Variants in SLC37A1 observed in about 807,000 individuals in gnomAD.
SLC37A1 encodes glucose-6-phosphate exchanger SLC37A1.
In SLC37A1, 49 loss-of-function variants were observed where a neutral mutation model predicts 75.3. The ratio of observed to expected loss-of-function variants is 0.65; its 90% CI spans 0.52 to 0.83. SLC37A1 has a LOEUF of 0.83. Ranked by LOEUF, SLC37A1 falls within the 40% of genes least tolerant of loss-of-function variation. SLC37A1 has a pLI of 0.00. For synonymous variants in SLC37A1, 268 were observed against 292.1 expected (o/e 0.92, Z 0.84); for missense variants, 566 against 695.0 (o/e 0.81, Z 2.09).
intron 1 of SLC37A1, among the ~76,000 whole-genome samples, chr21:42,500,195 G>C (rs2054328578): frequency 6.6e-6 from 1 of 152,112 alleles, no homozygotes; most frequent in Non-Finnish European, 1.5e-5. Flanking sequence ...GAACTATGAG[G>C]TTGTTTATTA....
chr21:42,557,462 C>G (rs943066904), intron 10 of SLC37A1, among the ~76,000 whole-genome samples: 4 of 152,264 alleles, frequency 2.6e-5, no homozygotes, highest in Non-Finnish European at 5.9e-5. Context: ...TTTCACGTGC[C>G]GTGATGGGAT....
chr21:42,532,693 AC>A (rs1312601646), intron 3 of SLC37A1, among the ~76,000 whole-genome samples: 1 of 152,144 alleles, frequency 6.6e-6, no homozygotes, highest in East Asian at 1.9e-4. Flanking sequence ...CCAGCCCCTC[AC>A]GTCCACCTTG....
chr21:42,544,219 G>A (rs983654108), intron 8 of SLC37A1, among the ~76,000 whole-genome samples: 25 of 152,134 alleles, frequency 1.6e-4, no homozygotes, highest in Non-Finnish European at 2.8e-4. Context: ...ACAGGGGCTC[G>A]AATCCCGCAA....
At position 42,580,661 on chromosome 21, in the gene SLC37A1, G is replaced by A. The variant is rs376657403; in HGVS notation, c.*301G>A. ...CCCATGCAGCCACCCAAATGCACGC[G>A]TGACAACAAGGCCGGGAGGGTGGGG... is the stretch of plus-strand genomic sequence containing the variant. On this transcript the variant is annotated 3_prime_UTR_variant, in exon 20 of 20. Transcript: ENST00000352133. The A allele has an allele frequency of 3.6e-4, 100 of 280,822 alleles. No individual in the cohort carries two copies. The highest frequency in any genetic ancestry group is 2.3e-3 in the African/African-American group (95 of 42,002). 17.4% of individuals were successfully genotyped at this position (280,822 alleles called of 1,614,324 possible). A position where few individuals can be genotyped will look rare whatever the true frequency, so the allele number is the denominator to read the frequency against.
At chr21:42,566,925 T>A (rs2055993146) in intron 15 of SLC37A1, 60 bp from the exon 16 acceptor site, 8 of 1,551,226 alleles carry the variant, frequency 5.2e-6, no homozygotes, top group Non-Finnish European at 7.0e-6. Context: ...AGGCTGCTCC[T>A]ATGCATGCGG....
chr21:42,575,260 G>A, intron 18 of SLC37A1: 1 of 985,000 alleles, frequency 1.0e-6, no homozygotes, highest in Non-Finnish European at 1.2e-6. Context: ...AAATGGGCAT[G>A]ATAATGGCAC....
chr21:42,534,884 G>A (rs2055094257), intron 4 of SLC37A1, 54 bp downstream of exon 4: 1 of 1,585,458 alleles, frequency 6.3e-7, no homozygotes, highest in East Asian at 2.3e-5. Context: ...TTCCAGCCTT[G>A]CTATTAATCA....
rs2055761350 is a variant in SLC37A1, at chr21:42,559,073, G to T, written c.965G>T (p.Gly322Val). ...GGCACGGCCGCCATCAGCTTCACAGGGGCCTTGAAAATTCCAGTAAGTAAA... is the reference window on the plus strand; with the variant it reads ...GGCACGGCCGCCATCAGCTTCACAGTGGCCTTGAAAATTCCAGTAAGTAAA... The part of the protein sequence containing the change: ...GSGTAAISFT[G>V]ALKIPGVIEF... Residue 322 changes from glycine to valine, a missense_variant, in exon 11 of 20, where the codon GGG becomes GTG. By Grantham distance (109) the Gly-to-Val change is moderately radical. Coordinates refer to ENST00000352133, the MANE Select transcript of SLC37A1 (RefSeq NM_001320537.2). 2 of 1,610,878 alleles carry T rather than the reference G, an allele frequency of 1.2e-6. No individual in the cohort carries two copies. Among genetic ancestry groups the T allele is most frequent in the Non-Finnish European group, 1.7e-6 (2 of 1,178,780 alleles).
At chr21:42,546,881 C>T (rs1003126634) in intron 8 of SLC37A1, among the ~76,000 whole-genome samples, 2 of 152,232 alleles carry the variant, frequency 1.3e-5, no homozygotes, top group Non-Finnish European at 2.9e-5. Context: ...AAAAAGGTTA[C>T]TAGTAAAGCG....
Position 42,518,358 on chromosome 21 carries a change from C to G in SLC37A1, c.-97C>G. The G allele has an allele frequency of 6.7e-7, 1 of 1,490,130 alleles. No individual in the cohort carries two copies. The highest frequency in any genetic ancestry group is 9.3e-7 in the Non-Finnish European group (1 of 1,069,988). 92.3% of individuals were successfully genotyped at this position (1,490,130 alleles called of 1,614,324 possible). A position where few individuals can be genotyped will look rare whatever the true frequency, so the allele number is the denominator to read the frequency against. On this transcript the variant is annotated 5_prime_UTR_variant, in exon 2 of 20. Coordinates refer to ENST00000352133, the MANE Select transcript of SLC37A1 (RefSeq NM_001320537.2). Reference sequence around the variant, plus strand: ...CACGCTTTCCAGCCTGTGGGAGCGGCAGGGGCAACAGAGAGAGGATCTGGA... The same window carrying G: ...CACGCTTTCCAGCCTGTGGGAGCGGGAGGGGCAACAGAGAGAGGATCTGGA...
At chr21:42,556,293 G>T (rs2055689518) in intron 10 of SLC37A1, among the ~76,000 whole-genome samples, 1 of 152,180 alleles carries the variant, frequency 6.6e-6, no homozygotes, top group South Asian at 2.1e-4. Context: ...CCTTCTGATT[G>T]GCTGTGGCTC....
chr21:42,579,153 G>A (rs974986555), intron 18 of SLC37A1, among the ~76,000 whole-genome samples: 8 of 152,244 alleles, frequency 5.3e-5, no homozygotes, highest in African/African-American at 1.4e-4. Flanking sequence ...CTCTGGGTCC[G>A]GCGAGGAGCC....
At chr21:42,580,058 C>T (rs2056394135) in intron 19 of SLC37A1, among the ~76,000 whole-genome samples, 1 of 152,052 alleles carries the variant, frequency 6.6e-6, no homozygotes, top group Non-Finnish European at 1.5e-5. Flanking sequence ...CTGCAGCCCC[C>T]CGAGCTCTCC....
intron 2 of SLC37A1, among the ~76,000 whole-genome samples, chr21:42,523,286 G>C (rs1461965698): frequency 6.6e-6 from 1 of 152,204 alleles, no homozygotes; most frequent in African/African-American, 2.4e-5. Context: ...GTTTTGAGGA[G>C]ATTGGAGAAG....
intron 8 of SLC37A1, 101 bp downstream of exon 8, chr21:42,543,703 G>A (rs1039064933): frequency 3.7e-5 from 45 of 1,209,804 alleles, no homozygotes; most frequent in African/African-American, 4.6e-5. Flanking sequence ...GTGGCCTAGC[G>A]CCCTGTTTGC....
chr21:42,554,582 G>C (rs1424461940), intron 10 of SLC37A1, among the ~76,000 whole-genome samples: 1 of 152,190 alleles, frequency 6.6e-6, no homozygotes, highest in East Asian at 1.9e-4. Context: ...TGAGCACAGA[G>C]GGTGTCAGGG....
intron 5 of SLC37A1, among the ~76,000 whole-genome samples, chr21:42,539,006 A>G (rs577490258): frequency 6.6e-6 from 1 of 152,360 alleles, no homozygotes; most frequent in East Asian, 1.9e-4. Flanking sequence ...GTGGCAAAGC[A>G]GCTGAAAGCC....
rs553914450 is a variant in SLC37A1, at chr21:42,563,759, G to A, written c.1073-56G>A. 47 of 1,551,946 alleles carry A rather than the reference G, an allele frequency of 3.0e-5. No homozygotes were observed. In the Admixed American group the frequency reaches 5.9e-4, roughly 19 times the overall value. On this transcript the variant is annotated intron_variant, in intron 12 of 19. Coordinates refer to ENST00000352133, the MANE Select transcript of SLC37A1 (RefSeq NM_001320537.2). ...GGGTCCTGTTCTGCCATGGTGTGTC[G>A]CTGCGATGCGTGAAGGAGATCCTCA...
intron 2 of SLC37A1, among the ~76,000 whole-genome samples, chr21:42,521,260 G>A (rs1252559527): frequency 6.6e-6 from 1 of 152,204 alleles, no homozygotes; most frequent in Non-Finnish European, 1.5e-5. Flanking sequence ...CAGTGTCACT[G>A]CCCTCCTGCA....
Sources: allele counts gnomAD v4.1 joint callset (sites outside exome capture counted in the v4.1 genomes callset), GRCh38; gene constraint gnomAD v4.1.1; transcripts MANE v1.5; gene names NCBI Gene and HGNC (gene_info 2026-07-23, HGNC 2026-07-21).